The following SEC62 variants were observed in gnomAD, a reference collection of about 807,000 sequenced individuals.
The protein encoded by SEC62 is SEC62 preprotein translocation factor.
Under a neutral mutation model 47.5 loss-of-function variants are expected in SEC62, and 10 were observed. The ratio of observed to expected loss-of-function variants is 0.21; its 90% CI spans 0.13 to 0.36. The LOEUF is 0.36. Ranked by LOEUF, SEC62 falls within the 10% of genes least tolerant of loss-of-function variation. The pLI is 1.00. For missense variants in SEC62, 327 were observed against 464.1 expected (o/e 0.70, Z 2.71); for synonymous variants, 136 against 150.5 (o/e 0.90, Z 0.71).
chr3:169,993,256 C>A lies in SEC62; in HGVS notation c.*193C>A, dbSNP rs1715290598. The A allele has an allele frequency of 3.8e-6, 2 of 522,408 alleles. No individual in the cohort carries two copies. The highest frequency in any genetic ancestry group is 1.9e-5 in the African/African-American group (1 of 51,620). The allele number at this position is 522,408 out of a possible 1,614,324, so 32.4% of individuals were successfully genotyped here. A position where few individuals can be genotyped will look rare whatever the true frequency, so the allele number is the denominator to read the frequency against. On this transcript the variant is annotated 3_prime_UTR_variant, in exon 8 of 8. Transcript: ENST00000337002. Reference sequence around the variant, plus strand: ...GCACTATTATTGGTACAGTTTAAAGCCATTAATATGTTTTATCCATTTGAT... The same window carrying A: ...GCACTATTATTGGTACAGTTTAAAGACATTAATATGTTTTATCCATTTGAT...
chr3:169,990,322 T>A (rs1715215232), intron 7 of SEC62, among the ~76,000 whole-genome samples: 1 of 151,968 alleles, frequency 6.6e-6, no homozygotes, highest in African/African-American at 2.4e-5. Context: ...CACAATTATA[T>A]CTGGTGTTTC....
chr3:169,983,556 C>G (rs1715029791), intron 5 of SEC62: 1 of 174,184 alleles, frequency 5.7e-6, no homozygotes, highest in African/African-American at 2.4e-5. Context: ...ATGGTGGATC[C>G]CAGCTCTTCT....
chr3:169,968,060 TAGAA>T (rs1442409292), intron 1 of SEC62, among the ~76,000 whole-genome samples: 4 of 152,198 alleles, frequency 2.6e-5, no homozygotes, highest in African/African-American at 9.6e-5. Flanking sequence ...AGAAGGGAAT[TAGAA>T]AGAGGCAGAT....
chr3:169,985,250 T>C (rs1022115192), intron 5 of SEC62: 10 of 152,220 alleles, frequency 6.6e-5, no homozygotes, highest in Admixed American at 5.2e-4. Flanking sequence ...GAACAATTTT[T>C]TTTTCCCCCA....
intron 2 of SEC62, among the ~76,000 whole-genome samples, chr3:169,976,392 G>T (rs888930507): frequency 6.6e-6 from 1 of 151,960 alleles, no homozygotes; most frequent in Middle Eastern, 3.2e-3. Flanking sequence ...AAACTAAATT[G>T]CCAGTGTAGA....
At chr3:169,984,993 G>C (rs1715068192) in intron 5 of SEC62, 1 of 152,110 alleles carries the variant, frequency 6.6e-6, no homozygotes, top group African/African-American at 2.4e-5. Flanking sequence ...CCTCCATGGA[G>C]GAGTAGGCAA....
At chr3:169,980,100 G>A (rs1485187230) in intron 3 of SEC62, among the ~76,000 whole-genome samples, 1 of 152,090 alleles carries the variant, frequency 6.6e-6, no homozygotes, top group African/African-American at 2.4e-5. Flanking sequence ...TAATAACTAT[G>A]ACTTGGTCCC....
intron 3 of SEC62, among the ~76,000 whole-genome samples, chr3:169,978,965 G>A (rs1008599224): frequency 2.0e-5 from 3 of 152,104 alleles, no homozygotes; most frequent in African/African-American, 7.2e-5. Flanking sequence ...ACAAAATGAC[G>A]ATGCATTTAA....
Position 169,982,692 on chromosome 3 carries a change from C to A in SEC62, c.252-15C>A. ...CTATATGGGGAGTGTAATGCCATAC[C>A]TGTTTTTCCCAAAGGCTTTTAAAGA... On this transcript the variant is annotated splice_polypyrimidine_tract_variant and intron_variant, in intron 3 of 7. Coordinates refer to ENST00000337002, the MANE Select transcript of SEC62 (RefSeq NM_003262.4). 1.2e-6 allele frequency: 2 copies of A among 1,603,574 alleles called. No individual in the cohort carries two copies. The highest frequency in any genetic ancestry group is 1.7e-6 in the Non-Finnish European group (2 of 1,173,560).
At chr3:169,988,384 A>T in intron 7 of SEC62, 25 bp downstream of exon 7, 1 of 1,612,446 alleles carries the variant, frequency 6.2e-7, no homozygotes, top group Non-Finnish European at 8.5e-7. Context: ...TATAAAATTG[A>T]CCTCAAGAAG....
At chr3:169,973,391 G>A (rs1576855928) in intron 1 of SEC62, among the ~76,000 whole-genome samples, 2 of 152,168 alleles carry the variant, frequency 1.3e-5, no homozygotes, top group African/African-American at 2.4e-5. Context: ...GCTGGGCGTG[G>A]TGGCTTACGC....
At position 169,996,961 on chromosome 3, in the gene SEC62, T is replaced by G. The variant is rs889406470; in HGVS notation, c.*3898T>G. 1 of 152,230 alleles carries G rather than the reference T, an allele frequency of 6.6e-6. No individual in the cohort carries two copies. Among genetic ancestry groups the G allele is most frequent in the Non-Finnish European group, 1.5e-5 (1 of 68,042 alleles). 9.4% of individuals were successfully genotyped at this position (152,230 alleles called of 1,614,324 possible). A position where few individuals can be genotyped will look rare whatever the true frequency, so the allele number is the denominator to read the frequency against. ...AGGGAACAAAAATTCCAATGAGGAA[T>G]TGACCTCTTTGTCAGATCCTTATCA... On this transcript the variant is annotated 3_prime_UTR_variant, in exon 8 of 8. Transcript: ENST00000337002.
rs1410232608 is a variant in SEC62, at chr3:169,997,445, C to T, written c.*4382C>T. Reference sequence around the variant, plus strand: ...CTTTAACTTTTTTGTGTCATGGACTCCTCAGAATAATGGGTTTTTTTTGTT... The same window carrying T: ...CTTTAACTTTTTTGTGTCATGGACTTCTCAGAATAATGGGTTTTTTTTGTT... On this transcript the variant is annotated 3_prime_UTR_variant, in exon 8 of 8. Coordinates refer to ENST00000337002, the MANE Select transcript of SEC62 (RefSeq NM_003262.4). 1.3e-5 allele frequency: 2 copies of T among 151,806 alleles called. No individual in the cohort carries two copies. The highest frequency in any genetic ancestry group is 2.9e-5 in the Non-Finnish European group (2 of 68,012). The allele number at this position is 151,806 out of a possible 1,614,324, so 9.4% of individuals were successfully genotyped here.
Position 169,985,875 on chromosome 3 carries a change from G to T in SEC62, c.610+10G>T, listed in dbSNP as rs765338231. On this transcript the variant is annotated intron_variant, in intron 6 of 7. Coordinates refer to ENST00000337002, the MANE Select transcript of SEC62 (RefSeq NM_003262.4). ...ATGGGATTAATTCTTGGTAAGTAGT[G>T]AGATGTTAATAGCTATAAAGTGCAA... The T allele has an allele frequency of 5.0e-6, 8 of 1,599,390 alleles. No homozygotes were observed. Among genetic ancestry groups the T allele is most frequent in the South Asian group, 4.4e-5 (4 of 90,374 alleles).
At chr3:169,975,546 T>C in intron 1 of SEC62, 62 bp from the exon 2 acceptor site, 1 of 1,048,880 alleles carries the variant, frequency 9.5e-7, no homozygotes, top group Non-Finnish European at 1.5e-6. Flanking sequence ...TTGTAAATTA[T>C]TATTCAGCGC....
chr3:169,979,021 A>C (rs1481650169), intron 3 of SEC62, among the ~76,000 whole-genome samples: 1 of 152,218 alleles, frequency 6.6e-6, no homozygotes, highest in Non-Finnish European at 1.5e-5. Context: ...TAGAGCAGCC[A>C]GTATGAATCC....
rs1221685049 is a variant in SEC62 at position 169,969,330 on chromosome 3, G to A, written c.36+2472G>A. On this transcript the variant is annotated intron_variant, in intron 1 of 7. Transcript: ENST00000337002. ...TGTCCCATCGAAGTTTCTAGCAAGA[G>A]GACTGTTGTCACATTTCCTTCTTGG... The A allele has an allele frequency of 1.3e-5, 6 of 456,562 alleles. No homozygotes were observed. In the East Asian group the frequency reaches 3.5e-4, roughly 26 times the overall value. 28.3% of individuals were successfully genotyped at this position (456,562 alleles called of 1,614,324 possible).
At chr3:169,980,932 G>A (rs1450190177) in intron 3 of SEC62, among the ~76,000 whole-genome samples, 2 of 152,226 alleles carry the variant, frequency 1.3e-5, no homozygotes, top group South Asian at 2.1e-4. Flanking sequence ...AAATGTTCCT[G>A]AAAGAAAATC....
intron 1 of SEC62, among the ~76,000 whole-genome samples, chr3:169,967,995 A>G (rs1000451966): frequency 6.6e-6 from 1 of 152,176 alleles, no homozygotes; most frequent in African/African-American, 2.4e-5. Context: ...ACACATGATC[A>G]GTAAATTTGG....
Sources: gnomAD v4.1 joint callset for allele counts (sites outside exome capture counted in the v4.1 genomes callset) on GRCh38, gnomAD v4.1.1 for gene constraint, MANE v1.5 for transcripts, NCBI Gene and HGNC (gene_info 2026-07-23, HGNC 2026-07-21) for gene names.